The following AKT1 variants were observed in gnomAD, a reference collection of about 807,000 sequenced individuals.
AKT1 encodes the protein RAC-alpha serine/threonine-protein kinase.
AKT1 carries 21 observed loss-of-function variants against 63.1 expected under a neutral mutation model. That is an observed-to-expected ratio of 0.33 (90% CI 0.24 to 0.48). AKT1 has a LOEUF of 0.48. Ranked by LOEUF, AKT1 falls within the 20% of genes least tolerant of loss-of-function variation. The pLI is 0.99. For missense variants in AKT1, 382 were observed against 666.0 expected (o/e 0.57, Z 4.69); for synonymous variants, 257 against 253.1 (o/e 1.02, Z -0.15).
chr14:104,770,288 GA>G lies in AKT1; in HGVS notation c.*52del. On this transcript the variant is annotated 3_prime_UTR_variant, in exon 15 of 15. Transcript: ENST00000649815. ...AACCATTAAATACAGATCATGGCAC[GA>G]GGCCGCCTCTCCATCCCTCCAAGCT... The G allele has an allele frequency of 1.9e-6, 3 of 1,548,640 alleles. No individual in the cohort carries two copies. The South Asian group carries it at 3.5e-5, about 18-fold the overall frequency.
intron 1 of AKT1, chr14:104,793,877 C>CT (rs1566827502): frequency 2.6e-5 from 4 of 152,254 alleles, no homozygotes. Context: ...GAGGAGGGTC[C>CT]TCTCTGGGAC....
chr14:104,784,417 G>A (rs898165809), intron 3 of AKT1, among the ~76,000 whole-genome samples: 19 of 152,048 alleles, frequency 1.2e-4, no homozygotes, highest in African/African-American at 4.6e-4. Context: ...GGACAGCGGA[G>A]ACCAGGCTCC....
At chr14:104,782,012 G>A (rs1312409529) in intron 3 of AKT1, among the ~76,000 whole-genome samples, 1 of 152,282 alleles carries the variant, frequency 6.6e-6, no homozygotes, top group African/African-American at 2.4e-5. Context: ...CCTGACCTGG[G>A]ATCTCGCACA....
chr14:104,769,615 A>G lies in AKT1; in HGVS notation c.*726T>C. The stretch of plus-strand genomic sequence containing the variant: ...CTGAGGGGGAGGCTCCCGGTGGGAC[A>G]GTCACCAAGAACTGTGACACAGAAG... On this transcript the variant is annotated 3_prime_UTR_variant, in exon 15 of 15. Coordinates refer to ENST00000649815, the MANE Select transcript of AKT1 (RefSeq NM_001382430.1). 1 of 526,412 alleles carries G rather than the reference A, an allele frequency of 1.9e-6. No homozygotes were observed. The highest frequency in any genetic ancestry group is 1.6e-5 in the South Asian group (1 of 63,618). 32.6% of individuals were successfully genotyped at this position (526,412 alleles called of 1,614,324 possible). A position where few individuals can be genotyped will look rare whatever the true frequency, so the allele number is the denominator to read the frequency against.
intron 11 of AKT1, 44 bp downstream of exon 11, chr14:104,773,207 C>T (rs764416293): frequency 6.8e-6 from 11 of 1,613,300 alleles, no homozygotes; most frequent in Admixed American, 3.3e-5. Context: ...GTGCTCAGGA[C>T]GTGGGGACGC....
intron 1 of AKT1, chr14:104,793,514 C>CAG (rs1893730782): frequency 5.5e-6 from 1 of 180,692 alleles, no homozygotes. Flanking sequence ...TTGCCAGGCC[C>CAG]AGTGCTGGGC....
intron 8 of AKT1, chr14:104,774,662 GC>G (rs1443707902): frequency 2.0e-6 from 1 of 490,042 alleles, no homozygotes; most frequent in African/African-American, 1.9e-5. Flanking sequence ...GGCATGGGGA[GC>G]TGGGGCCTCC....
At chr14:104,782,896 T>C (rs12432267) in intron 3 of AKT1, among the ~76,000 whole-genome samples, 11,109 of 151,980 alleles carry the variant, frequency 0.073, 955 homozygotes, top group African/African-American at 0.2. Flanking sequence ...CTTGGGGGGG[T>C]GCCAGCTGCA....
intron 3 of AKT1, among the ~76,000 whole-genome samples, chr14:104,781,380 CCCAGT>C (rs2140959131): frequency 6.6e-6 from 1 of 152,286 alleles, no homozygotes; most frequent in African/African-American, 2.4e-5. Context: ...CCACCCACCA[CCCAGT>C]CCTGCTGGGT....
chr14:104,786,560 C>G (rs1893343842), intron 3 of AKT1, among the ~76,000 whole-genome samples: 1 of 152,222 alleles, frequency 6.6e-6, no homozygotes, highest in African/African-American at 2.4e-5. Context: ...AAGTGCCCTG[C>G]ATTGCTGGGG....
At chr14:104,774,073 G>T in intron 8 of AKT1, 93 bp from the exon 9 acceptor site, 1 of 1,240,472 alleles carries the variant, frequency 8.1e-7, no homozygotes, top group South Asian at 1.3e-5. Flanking sequence ...ATACCACGTC[G>T]CCTGATACCA....
In AKT1 at chr14:104,772,570, G is replaced by A. The variant is rs953306898; in HGVS notation, c.1173-118C>T. 9 of 1,004,754 alleles carry A rather than the reference G, an allele frequency of 9.0e-6. No individual in the cohort carries two copies. The African/African-American group carries it at 9.6e-5, about 11-fold the overall frequency. 62.2% of individuals were successfully genotyped at this position (1,004,754 alleles called of 1,614,324 possible). ...GACAGGACGTTCCGGGGCCAGGGAG[G>A]GGAGCCGGTGGTGCAGCGTCCCTGA... On this transcript the variant is annotated intron_variant, in intron 12 of 14. Transcript: ENST00000649815.
At chr14:104,789,290 T>C (rs1595261599) in intron 3 of AKT1, among the ~76,000 whole-genome samples, 1 of 152,152 alleles carries the variant, frequency 6.6e-6, no homozygotes, top group South Asian at 2.1e-4. Context: ...GGTCCAGCCA[T>C]GTGGACGGGG....
chr14:104,790,928 T>TA (rs1169874826), intron 3 of AKT1, among the ~76,000 whole-genome samples: 1 of 152,168 alleles, frequency 6.6e-6, no homozygotes, highest in African/African-American at 2.4e-5. Flanking sequence ...GTCATGGCGA[T>TA]AGAGTGGCTA....
rs1035870119 is a variant in AKT1 at position 104,769,775 on chromosome 14, G to C, written c.*566C>G. The C allele has an allele frequency of 7.5e-5, 29 of 386,452 alleles. No homozygotes were observed. Among genetic ancestry groups the C allele is most frequent in the Non-Finnish European group, 1.4e-4 (28 of 205,484 alleles). 23.9% of individuals were successfully genotyped at this position (386,452 alleles called of 1,614,324 possible). The stretch of plus-strand genomic sequence containing the variant: ...AAACCCTGGCCCATCCCCCATCCCT[G>C]GTCCCATCCCAGGGGCCCAGCCTCC... On this transcript the variant is annotated 3_prime_UTR_variant, in exon 15 of 15. Transcript: ENST00000649815.
intron 13 of AKT1, 110 bp from the exon 14 acceptor site, chr14:104,770,957 G>T: frequency 1.0e-6 from 1 of 952,968 alleles, no homozygotes; most frequent in Non-Finnish European, 1.6e-6. Flanking sequence ...GGGTCTCCAG[G>T]CAGGACTGAT....
At chr14:104,776,053 C>T in intron 5 of AKT1, 2 of 428,310 alleles carry the variant, frequency 4.7e-6, no homozygotes, top group Non-Finnish European at 8.4e-6. Flanking sequence ...CAACCCCCAG[C>T]AGGACTCCGC....
intron 3 of AKT1, among the ~76,000 whole-genome samples, chr14:104,784,991 G>A (rs1319273734): frequency 6.6e-6 from 1 of 152,234 alleles, no homozygotes; most frequent in Non-Finnish European, 1.5e-5. Context: ...GACGGTGGTG[G>A]CAGCGGCTGG....
chr14:104,789,435 G>A (rs1893513099), intron 3 of AKT1, among the ~76,000 whole-genome samples: 1 of 152,240 alleles, frequency 6.6e-6, no homozygotes, highest in South Asian at 2.1e-4. Context: ...AGCGGGCAAG[G>A]TGAGCAAGCT....
Sources: gnomAD v4.1 joint callset for allele counts (sites outside exome capture counted in the v4.1 genomes callset) on GRCh38, gnomAD v4.1.1 for gene constraint, MANE v1.5 for transcripts, NCBI Gene and HGNC (gene_info 2026-07-23, HGNC 2026-07-21) for gene names.